Variants in NT5DC4 observed in about 807,000 individuals in gnomAD.
The protein encoded by NT5DC4 is 5'-nucleotidase domain-containing protein 4.
A neutral mutation model predicts 26.6 loss-of-function variants in NT5DC4; 44 were observed. The observed-to-expected ratio is 1.65, with a 90% CI of 1.30 to 2.13. NT5DC4 has a LOEUF of 2.13. Ranked by LOEUF, NT5DC4 falls within the 30% of genes most tolerant of loss-of-function variation. NT5DC4 has a pLI of 0.00. For synonymous variants in NT5DC4, 157 were observed against 86.7 expected (o/e 1.81, Z -4.51); for missense variants, 399 against 228.1 (o/e 1.75, Z -4.83).
intron 16 of NT5DC4, among the ~76,000 whole-genome samples, chr2:112,730,496 C>T (rs1432018541): frequency 1.3e-5 from 2 of 152,106 alleles, no homozygotes; most frequent in African/African-American, 4.8e-5. Context: ...CCTCCCCAGA[C>T]AGGCTTTGTT....
At chr2:112,734,580 A>ATT (rs1678862643) in intron 16 of NT5DC4, among the ~76,000 whole-genome samples, 1 of 152,212 alleles carries the variant, frequency 6.6e-6, no homozygotes, top group South Asian at 2.1e-4. Context: ...CTGGCCAGGG[A>ATT]GATGCCAAGT....
At chr2:112,726,509 C>T (rs1343246666) in intron 14 of NT5DC4, among the ~76,000 whole-genome samples, 169 bp from the exon 15 acceptor site, 1 of 152,156 alleles carries the variant, frequency 6.6e-6, no homozygotes, top group Non-Finnish European at 1.5e-5. Flanking sequence ...CTGAACCTAT[C>T]CAGCACTCAG....
intron 16 of NT5DC4, among the ~76,000 whole-genome samples, chr2:112,734,775 T>C (rs1402266443): frequency 2.6e-5 from 4 of 152,176 alleles, no homozygotes; most frequent in Non-Finnish European, 5.9e-5. Flanking sequence ...CTGCACCCTT[T>C]GTTTCCCGGG....
At chr2:112,735,038 A>ATTTTTTTTT (rs70965024) in intron 16 of NT5DC4, among the ~76,000 whole-genome samples, 6 of 94,492 alleles carry the variant, frequency 6.3e-5, no homozygotes, top group Non-Finnish European at 1.2e-4. Flanking sequence ...AGGCAAGAAC[A>ATTTTTTTTT]TTTTTTTTTT....
At chr2:112,724,065 G>T in intron 9 of NT5DC4, 29 bp from the exon 10 acceptor site, 1 of 717,038 alleles carries the variant, frequency 1.4e-6, no homozygotes, top group East Asian at 2.7e-5. Flanking sequence ...CCCAAGCTTG[G>T]TGCCCTGACG....
At position 112,722,254 on chromosome 2, in the gene NT5DC4, C is replaced by T. The variant is rs1361953047; in HGVS notation, c.338C>T (p.Ala113Val). Residue 113 changes from alanine to valine, a missense_variant, in exon 4 of 17, where the codon GCC becomes GTC. Ala to Val is a moderately conservative substitution (Grantham distance 64). Coordinates refer to ENST00000688554, the MANE Select transcript of NT5DC4 (RefSeq NM_001393655.1). ...GCCCACGGGAATGTGCTGCTGGGTG[C>T]CTATGGCTTCACCTTCCTCTCGGAG... ...VDAHGNVLLG[A>V]YGFTFLSDLP... is the part of the protein sequence containing the mutation. 10 of 716,922 alleles carry T rather than the reference C, an allele frequency of 1.4e-5. No homozygotes were observed. The highest frequency in any genetic ancestry group is 2.3e-5 in the Non-Finnish European group (9 of 385,092). The allele number at this position is 716,922 out of a possible 1,614,324, so 44.4% of individuals were successfully genotyped here.
intron 16 of NT5DC4, among the ~76,000 whole-genome samples, chr2:112,730,610 G>T (rs1333045335): frequency 6.6e-6 from 1 of 152,118 alleles, no homozygotes; most frequent in East Asian, 1.9e-4. Context: ...TTCCTCGTTG[G>T]GTTCTGCACC....
At chr2:112,721,738 G>A in intron 1 of NT5DC4, 80 bp from the exon 2 acceptor site, 1 of 716,742 alleles carries the variant, frequency 1.4e-6, no homozygotes, top group Non-Finnish European at 2.6e-6. Flanking sequence ...CCTCTGCGGG[G>A]TTTCCACCCC....
At chr2:112,730,914 T>G (rs1678412518) in intron 16 of NT5DC4, among the ~76,000 whole-genome samples, 1 of 152,166 alleles carries the variant, frequency 6.6e-6, no homozygotes. Flanking sequence ...CACACTCCTG[T>G]CAGTAACAGA....
At chr2:112,739,486 G>A (rs1006535550), downstream of NT5DC4, among the ~76,000 whole-genome samples, 7 of 152,214 alleles carry the variant, frequency 4.6e-5, no homozygotes, top group Non-Finnish European at 8.8e-5. Flanking sequence ...CTTGGATGGT[G>A]TAAGCATAAG....
At chr2:112,723,503 C>A (rs1377999283) in intron 8 of NT5DC4, 35 bp downstream of exon 8, 1 of 715,886 alleles carries the variant, frequency 1.4e-6, no homozygotes, top group Admixed American at 2.0e-5. Flanking sequence ...ATGGCCATCA[C>A]CCCCAAAGCA....
At chr2:112,742,564 T>C (rs1461195947), downstream of NT5DC4, 2 of 709,764 alleles carry the variant, frequency 2.8e-6, no homozygotes, top group Non-Finnish European at 5.2e-6. Context: ...CTGATGACAA[T>C]GGCTGAAAGG....
upstream of NT5DC4, among the ~76,000 whole-genome samples, chr2:112,719,904 T>TTCTTTC (rs1220158866): frequency 1.0e-5 from 1 of 98,662 alleles, no homozygotes; most frequent in Non-Finnish European, 2.0e-5. Flanking sequence ...CTTTCTTTCT[T>TTCTTTC]TTTCTTTCTT....
At chr2:112,732,723 A>G (rs1678629338) in intron 16 of NT5DC4, among the ~76,000 whole-genome samples, 2 of 152,150 alleles carry the variant, frequency 1.3e-5, no homozygotes, top group African/African-American at 4.8e-5. Flanking sequence ...GCTTTAGGGG[A>G]TCCTAGCGAG....
At chr2:112,731,501 A>G (rs1678479889) in intron 16 of NT5DC4, 1 of 152,234 alleles carries the variant, frequency 6.6e-6, no homozygotes, top group African/African-American at 2.4e-5. Flanking sequence ...ATATTGCCTC[A>G]CTAACTGCTC....
chr2:112,738,962 T>G lies in NT5DC4; in HGVS notation c.*26T>G, dbSNP rs1679625110. ...ATCGTGTTCCTGCAGCATTTCTGGGTAGCGGGACACTGCTCGCTCAATCCT... is the reference window on the plus strand; with the variant it reads ...ATCGTGTTCCTGCAGCATTTCTGGGGAGCGGGACACTGCTCGCTCAATCCT... On this transcript the variant is annotated 3_prime_UTR_variant, in exon 17 of 17. Transcript: ENST00000688554. The G allele has an allele frequency of 6.2e-7, 1 of 1,614,094 alleles. No homozygotes were observed.
rs144687283 is a variant in NT5DC4, at chr2:112,734,837, A to G, written c.1345-4076A>G. On this transcript the variant is annotated intron_variant, in intron 16 of 16. Transcript: ENST00000688554. ...CCCAAGTAGCTGGGACTACAGGCACACTCTACCACATCTGGCTAATTTTTG... is the reference window on the plus strand; with the variant it reads ...CCCAAGTAGCTGGGACTACAGGCACGCTCTACCACATCTGGCTAATTTTTG... 5.5e-3 allele frequency among the ~76,000 whole-genome samples: 835 copies of G among 151,540 alleles called. 9 individuals are homozygous for G. The highest frequency in any genetic ancestry group is 0.02 in the African/African-American group (808 of 41,284).
intron 16 of NT5DC4, 138 bp from the exon 17 acceptor site, chr2:112,738,775 G>C (rs762778094): frequency 7.9e-7 from 1 of 1,261,678 alleles, no homozygotes; most frequent in Non-Finnish European, 1.2e-6. Flanking sequence ...AATATTTCTT[G>C]TCTTATGTTG....
rs1677144174 is a variant in NT5DC4 at position 112,723,021 on chromosome 2, G to A, written c.528-60G>A. On this transcript the variant is annotated intron_variant, in intron 6 of 16. Coordinates refer to ENST00000688554, the MANE Select transcript of NT5DC4 (RefSeq NM_001393655.1). ...GGGGTTGCTCTGGTGTGGGACTCAGGGTTGGAGGTCATTTCAGGCCCCCTT... is the reference window on the plus strand; with the variant it reads ...GGGGTTGCTCTGGTGTGGGACTCAGAGTTGGAGGTCATTTCAGGCCCCCTT... 7 of 674,036 alleles carry A rather than the reference G, an allele frequency of 1.0e-5. No individual in the cohort carries two copies. In the South Asian group the frequency reaches 1.2e-4, roughly 11 times the overall value. The allele number at this position is 674,036 out of a possible 1,614,324, so 41.8% of individuals were successfully genotyped here. A position where few individuals can be genotyped will look rare whatever the true frequency, so the allele number is the denominator to read the frequency against.
Sources: allele counts gnomAD v4.1 joint callset (sites outside exome capture counted in the v4.1 genomes callset), GRCh38; gene constraint gnomAD v4.1.1; transcripts MANE v1.5; gene names NCBI Gene and HGNC (gene_info 2026-07-23, HGNC 2026-07-21).